CBLB: variants seen among roughly 807,000 people sequenced by gnomAD.
The protein encoded by CBLB is E3 ubiquitin-protein ligase CBL-B.
CBLB carries 31 observed loss-of-function variants against 104.9 expected under a neutral mutation model. The ratio of observed to expected loss-of-function variants is 0.30; its 90% CI spans 0.22 to 0.40. The LOEUF is 0.40. CBLB is among the 10% of genes least tolerant of loss of function. The probability of loss-of-function intolerance (pLI) is 1.00; values close to 1 mark genes in which losing one functional copy is unlikely to be tolerated. For missense variants in CBLB, 1,062 were observed against 1,214.6 expected, an observed-to-expected ratio of 0.87 and a Z score of 1.87; for synonymous variants, 440 against 422.6, an observed-to-expected ratio of 1.04 and a Z score of -0.51.
intron 3 of CBLB, among the ~76,000 whole-genome samples, chr3:105,789,819 T>G (rs1312312840): frequency 6.6e-6 from 1 of 152,196 alleles, no homozygotes; most frequent in Non-Finnish European, 1.5e-5. Context: ...CTAGTTCTAT[T>G]CAATGGGGTC....
intron 2 of CBLB, among the ~76,000 whole-genome samples, chr3:105,864,494 A>T (rs2092309189): frequency 6.6e-6 from 1 of 152,198 alleles, no homozygotes; most frequent in Non-Finnish European, 1.5e-5. Flanking sequence ...CACTGATGTG[A>T]GGGCTTCTGG....
intron 3 of CBLB, among the ~76,000 whole-genome samples, chr3:105,804,777 C>A (rs1183272408): frequency 6.6e-6 from 1 of 151,806 alleles, no homozygotes; most frequent in Non-Finnish European, 1.5e-5. Context: ...GTTTCTATTT[C>A]TCTTTAGTTT....
chr3:105,699,428 T>G (rs1246921206), intron 12 of CBLB, among the ~76,000 whole-genome samples: 2 of 152,156 alleles, frequency 1.3e-5, no homozygotes, highest in African/African-American at 4.8e-5. Context: ...TATAAAGGAA[T>G]AAAATAAAGT....
At chr3:105,855,213 C>T (rs544034158) in intron 2 of CBLB, among the ~76,000 whole-genome samples, 92 of 152,026 alleles carry the variant, frequency 6.1e-4, no homozygotes, top group African/African-American at 2.2e-3. Context: ...AGGAGTTAAG[C>T]AACAAAGAAA....
chr3:105,711,507 A>G (rs1235944027), intron 10 of CBLB, among the ~76,000 whole-genome samples: 1 of 152,108 alleles, frequency 6.6e-6, no homozygotes, highest in Admixed American at 6.6e-5. Flanking sequence ...GCTTACACAC[A>G]TACTCACATA....
rs1254044896 is a variant in CBLB at position 105,658,404 on chromosome 3, T to G, written c.*566A>C. ...TGAAGAATACATACTTTTTTTTTTT[T>G]GCATTAGTTTGATCAGTTGAAAATC... On this transcript the variant is annotated 3_prime_UTR_variant, in exon 19 of 19. Transcript: ENST00000394030. 4.6e-6 allele frequency: 1 copy of G among 218,598 alleles called. No individual in the cohort carries two copies. The highest frequency in any genetic ancestry group is 2.3e-5 in the African/African-American group (1 of 43,948). The allele number at this position is 218,598 out of a possible 1,614,324, so 13.5% of individuals were successfully genotyped here.
At chr3:105,726,440 T>A (rs1337532039) in intron 9 of CBLB, among the ~76,000 whole-genome samples, 1 of 152,146 alleles carries the variant, frequency 6.6e-6, no homozygotes, top group Non-Finnish European at 1.5e-5. Context: ...ATTCAAAACA[T>A]AGCTGCATAT....
intron 3 of CBLB, among the ~76,000 whole-genome samples, chr3:105,818,470 A>C (rs1486672980): frequency 6.6e-6 from 1 of 152,164 alleles, no homozygotes; most frequent in African/African-American, 2.4e-5. Context: ...CAATTTAAAA[A>C]TAAGGCACAA....
chr3:105,774,570 G>A (rs956983208), intron 4 of CBLB, among the ~76,000 whole-genome samples: 1 of 152,140 alleles, frequency 6.6e-6, no homozygotes, highest in African/African-American at 2.4e-5. Context: ...TTGGGAGGTA[G>A]GGAAAGTATC....
intron 3 of CBLB, among the ~76,000 whole-genome samples, chr3:105,846,915 T>C (rs75693797): frequency 0.021 from 3,177 of 152,140 alleles, 96 homozygotes; most frequent in African/African-American, 0.072. Context: ...CAAAACTATT[T>C]CAATGACCAT....
At chr3:105,703,578 G>T (rs751821566) in intron 11 of CBLB, among the ~76,000 whole-genome samples, 7 of 148,866 alleles carry the variant, frequency 4.7e-5, no homozygotes, top group African/African-American at 7.4e-5. Context: ...AAACAAGGGT[G>T]ATAATTTGTC....
chr3:105,768,919 G>C (rs1336925790), intron 4 of CBLB, among the ~76,000 whole-genome samples: 1 of 152,182 alleles, frequency 6.6e-6, no homozygotes, highest in African/African-American at 2.4e-5. Context: ...TGTAGGAACT[G>C]ATCATTTAAA....
At chr3:105,735,864 C>T (rs371558463) in intron 8 of CBLB, among the ~76,000 whole-genome samples, 2 of 152,130 alleles carry the variant, frequency 1.3e-5, no homozygotes, top group African/African-American at 4.8e-5. Context: ...GAGAACAGCT[C>T]GAACCCAGAG....
chr3:105,839,647 T>C (rs1283213403), intron 3 of CBLB, among the ~76,000 whole-genome samples: 2 of 152,264 alleles, frequency 1.3e-5, no homozygotes, highest in African/African-American at 2.4e-5. Flanking sequence ...ATAGTCTCTA[T>C]GGAACTACTT....
In CBLB at chr3:105,807,331, A is replaced by T. The variant is rs79667555; in HGVS notation, c.420-30789T>A. On this transcript the variant is annotated intron_variant, in intron 3 of 18. Coordinates refer to ENST00000394030, the MANE Select transcript of CBLB (RefSeq NM_170662.5). Reference sequence around the variant, plus strand: ...CAGCATTTCTGGAGGCCAAGATGGGAGGATCACCTGAGCCCAGGCGTTCGT... The same window carrying T: ...CAGCATTTCTGGAGGCCAAGATGGGTGGATCACCTGAGCCCAGGCGTTCGT... Among the ~76,000 whole-genome samples the T allele has an allele frequency of 5.3e-3, 812 of 152,322 alleles. 11 individuals are homozygous for T. The highest frequency in any genetic ancestry group is 0.019 in the African/African-American group (771 of 41,558).
chr3:105,851,796 A>C (rs1372778798), intron 3 of CBLB, among the ~76,000 whole-genome samples: 4 of 152,240 alleles, frequency 2.6e-5, no homozygotes, highest in Non-Finnish European at 4.4e-5. Context: ...CCCCGTAATG[A>C]CATTTCAGTC....
chr3:105,687,410 C>A lies in CBLB; in HGVS notation c.2055-1944G>T, dbSNP rs73195924. ...TGATAGAGAATTTCTCGAGTAATTT[C>A]CCCCACTCTTTTGCTTTGCCACAAA... On this transcript the variant is annotated intron_variant, in intron 13 of 18. Transcript: ENST00000394030. Among the ~76,000 whole-genome samples, 610 of 152,038 alleles carry A rather than the reference C, an allele frequency of 4.0e-3. 2 individuals carry two copies. The highest frequency in any genetic ancestry group is 6.5e-3 in the Non-Finnish European group (441 of 67,882).
chr3:105,857,922 C>A (rs1001819730), intron 2 of CBLB, among the ~76,000 whole-genome samples: 15 of 152,106 alleles, frequency 9.9e-5, no homozygotes, highest in African/African-American at 3.6e-4. Context: ...TCACTCATCT[C>A]CACATAAGAG....
At chr3:105,736,463 T>C (rs1042727113) in intron 8 of CBLB, among the ~76,000 whole-genome samples, 7 of 152,194 alleles carry the variant, frequency 4.6e-5, no homozygotes, top group Admixed American at 1.3e-4. Flanking sequence ...GAAGTTCCCA[T>C]GTGAGTATGT....
Sources: allele counts gnomAD v4.1 joint callset (sites outside exome capture counted in the v4.1 genomes callset), GRCh38; gene constraint gnomAD v4.1.1; transcripts MANE v1.5; gene names NCBI Gene and HGNC (gene_info 2026-07-23, HGNC 2026-07-21).